WDR44: variants seen among roughly 807,000 people sequenced by gnomAD.
WDR44 encodes WD repeat domain 44.
Under a neutral mutation model 65.7 loss-of-function variants are expected in WDR44, and 9 were observed. The observed-to-expected ratio is 0.14, with a 90% confidence interval of 0.08 to 0.24. The LOEUF is 0.24. Among genes scored for constraint, WDR44 ranks in the 10% least tolerant of loss-of-function variants. The pLI, the probability that WDR44 is intolerant of heterozygous loss-of-function variation, is 1.00. For missense variants in WDR44, 425 were observed against 670.9 expected, an observed-to-expected ratio of 0.63 and a Z score of 4.05; for synonymous variants, 220 against 235.2, an observed-to-expected ratio of 0.94 and a Z score of 0.59.
chrX:118,389,405 G>A (rs147971328), intron 3 of WDR44, among the ~76,000 whole-genome samples: 1 of 111,638 alleles, frequency 9.0e-6, no homozygotes, highest in Admixed American at 9.6e-5. Flanking sequence ...ATCTGAGCTG[G>A]TTCTTAATGA....
At chrX:118,448,048 A>G (rs2057363196) in intron 19 of WDR44, among the ~76,000 whole-genome samples, 1 of 108,666 alleles carries the variant, frequency 9.2e-6, no homozygotes, top group African/African-American at 3.3e-5. Context: ...CCTTTCTCAT[A>G]TTCCTAAGTT....
At chrX:118,430,426 C>A (rs1210962541) in intron 12 of WDR44, among the ~76,000 whole-genome samples, 18 of 107,127 alleles carry the variant, frequency 1.7e-4, no homozygotes, top group African/African-American at 6.2e-4. Context: ...CCTGTAATCC[C>A]AGCTACTCAG....
At chrX:118,377,672 G>A (rs1418471882) in intron 1 of WDR44, among the ~76,000 whole-genome samples, 1 of 107,444 alleles carries the variant, frequency 9.3e-6, no homozygotes, top group East Asian at 2.9e-4. Flanking sequence ...AAGATACTCA[G>A]ATCTCTAGGT....
chrX:118,377,886 C>G (rs1208340372), intron 1 of WDR44, among the ~76,000 whole-genome samples: 1 of 109,643 alleles, frequency 9.1e-6, no homozygotes, highest in Non-Finnish European at 1.9e-5. Flanking sequence ...AGCCACCACA[C>G]CTGGATAATT....
At chrX:118,447,910 A>G (rs1387462687) in intron 19 of WDR44, among the ~76,000 whole-genome samples, 4 of 87,767 alleles carry the variant, frequency 4.6e-5, no homozygotes, top group Non-Finnish European at 8.4e-5. Context: ...ATATATATAT[A>G]TATACTTGTA....
Position 118,346,283 on chromosome X carries a change from C to G in WDR44, c.-221C>G. ...CAGCAACATTCCCTGGACCAACCGC[C>G]GCCTCTTCAGGCGGCCGCTTTGCCG... On this transcript the variant is annotated 5_prime_UTR_variant, in exon 1 of 20. Transcript: ENST00000254029. 2.4e-6 allele frequency: 1 copy of G among 415,422 alleles called. No individual in the cohort carries two copies. Among genetic ancestry groups the G allele is most frequent in the Non-Finnish European group, 4.2e-6 (1 of 238,413 alleles). The allele number at this position is 415,422 out of a possible 1,213,427, so 34.2% of individuals were successfully genotyped here. A position where few individuals can be genotyped will look rare whatever the true frequency, so the allele number is the denominator to read the frequency against.
At chrX:118,373,913 G>A (rs1473657668) in intron 1 of WDR44, among the ~76,000 whole-genome samples, 1 of 111,433 alleles carries the variant, frequency 9.0e-6, no homozygotes, top group Non-Finnish European at 1.9e-5. Context: ...ATAAATGATG[G>A]CCATTGTTTT....
At chrX:118,389,872 A>G (rs138584968) in intron 3 of WDR44, among the ~76,000 whole-genome samples, 1,420 of 109,033 alleles carry the variant, frequency 0.013, 10 homozygotes, top group Non-Finnish European at 0.019. Context: ...ATGTCATACT[A>G]AACTGTCTGC....
intron 12 of WDR44, among the ~76,000 whole-genome samples, chrX:118,412,993 A>G (rs772057057): frequency 8.0e-5 from 9 of 112,045 alleles, no homozygotes; most frequent in East Asian, 2.8e-4. Flanking sequence ...ATAGTCTCCA[A>G]TCTCATCCAG....
chrX:118,394,839 TAAG>T (rs765148141), intron 5 of WDR44, among the ~76,000 whole-genome samples: 10 of 111,608 alleles, frequency 9.0e-5, no homozygotes, highest in African/African-American at 2.9e-4. Context: ...TTGTTTAAAA[TAAG>T]AAGAAGAATA....
At chrX:118,378,595 T>G in intron 2 of WDR44, 143 bp downstream of exon 2, 1 of 457,105 alleles carries the variant, frequency 2.2e-6, no homozygotes, top group South Asian at 4.3e-5. Flanking sequence ...CTACTTGGTA[T>G]ACATAGGTAC....
chrX:118,378,312 A>G (rs2056680506), intron 1 of WDR44, 107 bp from the exon 2 acceptor site: 1 of 660,834 alleles, frequency 1.5e-6, no homozygotes, highest in South Asian at 3.3e-5. Context: ...TCAGTCACAA[A>G]ATATATACAC....
rs143958905 is a variant in WDR44, at chrX:118,406,995, A to G, written c.1502A>G (p.Lys501Arg). Residue 501 changes from lysine to arginine, a missense_variant, in exon 10 of 20, where the codon AAA (lysine) becomes AGA (arginine). Lys to Arg is a conservative substitution (Grantham distance 26). Coordinates refer to ENST00000254029, the MANE Select transcript of WDR44 (RefSeq NM_019045.5). ...FKGPYDFDQI[K>R]VVQDLSGEHM... Reference sequence around the variant, plus strand: ...GGACCTTATGATTTTGATCAGATCAAAGTGGTGCAAGATCTTAGTGGTGAA... The same window carrying G: ...GGACCTTATGATTTTGATCAGATCAGAGTGGTGCAAGATCTTAGTGGTGAA... The G allele has an allele frequency of 1.6e-4, 199 of 1,208,409 alleles. No individual in the cohort carries two copies. The African/African-American group carries it at 3.2e-3, about 19-fold the overall frequency.
At chrX:118,369,593 C>G (rs1244880819) in intron 1 of WDR44, among the ~76,000 whole-genome samples, 1 of 106,137 alleles carries the variant, frequency 9.4e-6, no homozygotes, top group Non-Finnish European at 1.9e-5. Flanking sequence ...CTCAGCCTCC[C>G]GAGTAGCTGG....
At chrX:118,360,964 A>G (rs1602862187) in intron 1 of WDR44, among the ~76,000 whole-genome samples, 1 of 111,519 alleles carries the variant, frequency 9.0e-6, no homozygotes, top group East Asian at 2.8e-4. Flanking sequence ...GGAATTTTGC[A>G]ACCTGACAAA....
intron 12 of WDR44, among the ~76,000 whole-genome samples, chrX:118,427,014 A>G (rs1371047704): frequency 8.9e-6 from 1 of 112,007 alleles, no homozygotes; most frequent in Admixed American, 9.5e-5. Context: ...TAATGATGTT[A>G]AAAATGGTCA....
At chrX:118,369,629 T>G (rs62611073) in intron 1 of WDR44, among the ~76,000 whole-genome samples, 3 of 105,608 alleles carry the variant, frequency 2.8e-5, no homozygotes, top group South Asian at 4.3e-4. Context: ...CCACCACGCC[T>G]GACTAATTTT....
At chrX:118,438,403 TTC>T (rs1310623895) in intron 14 of WDR44, among the ~76,000 whole-genome samples, 1 of 86,610 alleles carries the variant, frequency 1.2e-5, no homozygotes, top group Non-Finnish European at 2.0e-5. Context: ...TGTGTTCGTT[TTC>T]TTTCTCTTTC....
intron 2 of WDR44, among the ~76,000 whole-genome samples, chrX:118,381,202 C>T (rs1182293960): frequency 8.9e-6 from 1 of 111,843 alleles, no homozygotes; most frequent in Non-Finnish European, 1.9e-5. Flanking sequence ...GGCGCAGTGG[C>T]TCACGCTTGT....
Sources: gnomAD v4.1 joint callset for allele counts (sites outside exome capture counted in the v4.1 genomes callset) on GRCh38, gnomAD v4.1.1 for gene constraint, MANE v1.5 for transcripts, NCBI Gene and HGNC (gene_info 2026-07-23, HGNC 2026-07-21) for gene names.